MOSPD2: variants seen among roughly 807,000 people sequenced by gnomAD.
The protein encoded by MOSPD2 is motile sperm domain-containing protein 2.
A neutral mutation model predicts 41.7 loss-of-function variants in MOSPD2; 5 were observed. The ratio of observed to expected loss-of-function variants is 0.12; its 90% CI spans 0.06 to 0.25. The LOEUF (loss-of-function observed/expected upper bound fraction) is 0.25, where lower values mean the gene tolerates loss of function less well. Ranked by LOEUF, MOSPD2 falls within the 10% of genes least tolerant of loss-of-function variation. The probability of loss-of-function intolerance (pLI) is 1.00; values close to 1 mark genes in which losing one functional copy is unlikely to be tolerated. For synonymous variants in MOSPD2, 115 were observed against 126.9 expected (o/e 0.91, Z 0.63); for missense variants, 282 against 375.2 (o/e 0.75, Z 2.05).
In MOSPD2 at chrX:14,921,444, G is replaced by C. The variant is rs6631354; in HGVS notation, c.*1635G>C. 4.3e-5 allele frequency: 40 copies of C among 927,516 alleles called. No individual in the cohort carries two copies. In the East Asian group the frequency reaches 6.3e-4, roughly 15 times the overall value. The allele number at this position is 927,516 out of a possible 1,213,427, so 76.4% of individuals were successfully genotyped here. On this transcript the variant is annotated 3_prime_UTR_variant, in exon 15 of 15. Coordinates refer to ENST00000380492, the MANE Select transcript of MOSPD2 (RefSeq NM_152581.4). ...TAAGTACTGTGCACAGTATCTCCCT[G>C]TGTGTGTGCACAGTGGCTTCCCCTT...
In MOSPD2 at chrX:14,873,747, A is replaced by T; in HGVS notation, c.68A>T (p.Glu23Val). ...GAGACCCGGAGGAGGTTCGAAGCTG[A>T]GTATGTGACAGGTGGGTACTCTGTT... ...ISETRRRFEAEYVTDKSDKYD... is the reference protein window; with the variant it reads ...ISETRRRFEAVYVTDKSDKYD... Residue 23 changes from glutamate (E) to valine (V), a missense_variant, in exon 2 of 15, where the codon GAG becomes GTG. Physicochemically the swap from Glu to Val is moderately radical, Grantham distance 121. This residue lies in a region of MOSPD2 where 187 missense variants were observed against 256.6 expected (regional missense o/e 0.73). Transcript: ENST00000380492. 1 of 1,204,692 alleles carries T rather than the reference A, an allele frequency of 8.3e-7. No homozygotes were observed. Among genetic ancestry groups the T allele is most frequent in the Non-Finnish European group, 1.1e-6 (1 of 889,044 alleles).
intron 7 of MOSPD2, among the ~76,000 whole-genome samples, chrX:14,906,532 T>C (rs998275880): frequency 2.9e-4 from 29 of 100,020 alleles, no homozygotes; most frequent in African/African-American, 1.1e-3. Context: ...CAATGGTTTC[T>C]TAGATATGAC....
intron 11 of MOSPD2, among the ~76,000 whole-genome samples, chrX:14,915,024 G>C (rs984875426): frequency 8.9e-6 from 1 of 111,813 alleles, no homozygotes; most frequent in South Asian, 3.7e-4. Context: ...TGAGCATTAA[G>C]TGTAACAAGA....
chrX:14,907,582 A>G (rs1432013049), intron 7 of MOSPD2, among the ~76,000 whole-genome samples: 1 of 112,666 alleles, frequency 8.9e-6, no homozygotes, highest in Non-Finnish European at 1.9e-5. Flanking sequence ...AAAATGTGCC[A>G]AGTGAACAAA....
chrX:14,885,276 A>C (rs192678905), intron 2 of MOSPD2: 29 of 111,936 alleles, frequency 2.6e-4, no homozygotes, highest in Non-Finnish European at 1.3e-4. Context: ...TACATTATTA[A>C]GCAACTACAT....
intron 2 of MOSPD2, among the ~76,000 whole-genome samples, chrX:14,891,440 T>A (rs1393042963): frequency 2.7e-5 from 3 of 111,679 alleles, no homozygotes; most frequent in African/African-American, 6.5e-5. Context: ...GGCCAGAGTC[T>A]GAAAATAGTA....
At chrX:14,892,944 C>A in intron 3 of MOSPD2, 66 bp downstream of exon 3, 1 of 817,537 alleles carries the variant, frequency 1.2e-6, no homozygotes, top group South Asian at 2.8e-5. Context: ...TTACATTTAT[C>A]TAATCATGTA....
rs1268424935 is a variant in MOSPD2, at chrX:14,922,079, A to G, written c.*2270A>G. On this transcript the variant is annotated 3_prime_UTR_variant, in exon 15 of 15. Transcript: ENST00000380492. ...TTCATACTACCATAACTGTTTTTAT[A>G]TATTGCCACTAATTTTGACTGGATT... 1 of 111,394 alleles carries G rather than the reference A, an allele frequency of 9.0e-6. No individual in the cohort carries two copies. The highest frequency in any genetic ancestry group is 2.8e-4 in the East Asian group (1 of 3,549). The allele number at this position is 111,394 out of a possible 1,213,427, so 9.2% of individuals were successfully genotyped here.
chrX:14,890,555 A>G (rs2092551788), intron 2 of MOSPD2, among the ~76,000 whole-genome samples: 1 of 112,063 alleles, frequency 8.9e-6, no homozygotes, highest in Admixed American at 9.5e-5. Flanking sequence ...CACTCTTACA[A>G]ATGCATGATT....
In MOSPD2 at chrX:14,895,202, A is replaced by G. The variant is rs1376082941; in HGVS notation, c.236-106A>G. 8 of 500,874 alleles carry G rather than the reference A, an allele frequency of 1.6e-5. No homozygotes were observed. The Admixed American group carries it at 2.6e-4, about 16-fold the overall frequency. The allele number at this position is 500,874 out of a possible 1,213,427, so 41.3% of individuals were successfully genotyped here. A position where few individuals can be genotyped will look rare whatever the true frequency, so the allele number is the denominator to read the frequency against. On this transcript the variant is annotated intron_variant, in intron 3 of 14. Transcript: ENST00000380492. ...TTTTTTGAATGTTTGGGTACATTAT[A>G]TCATTTTTAAAGCTCAGAACTACTA...
In MOSPD2 at chrX:14,884,557, C is replaced by T. The variant is rs1267498251; in HGVS notation, c.80-8166C>T. The stretch of plus-strand genomic sequence containing the variant: ...AGGAGAAAAAAAGCAGCTTGGTTAC[C>T]AGAAAACACAGAGGAAGACAGCAGA... On this transcript the variant is annotated intron_variant, in intron 2 of 14. Coordinates refer to ENST00000380492, the MANE Select transcript of MOSPD2 (RefSeq NM_152581.4). Among the ~76,000 whole-genome samples the T allele has an allele frequency of 2.7e-5, 3 of 111,286 alleles. No homozygotes were observed. The East Asian group carries it at 8.4e-4, about 31-fold the overall frequency.
intron 13 of MOSPD2, among the ~76,000 whole-genome samples, chrX:14,918,357 T>C (rs1246112382): frequency 8.9e-6 from 1 of 111,953 alleles, no homozygotes; most frequent in Non-Finnish European, 1.9e-5. Context: ...TCAAGGAAAG[T>C]ACCTTTCTCC....
chrX:14,919,999 T>A lies in MOSPD2; in HGVS notation c.*190T>A. 6 of 970,588 alleles carry A rather than the reference T, an allele frequency of 6.2e-6. No homozygotes were observed. The highest frequency in any genetic ancestry group is 7.8e-6 in the Non-Finnish European group (6 of 773,732). 80.0% of individuals were successfully genotyped at this position (970,588 alleles called of 1,213,427 possible). A position where few individuals can be genotyped will look rare whatever the true frequency, so the allele number is the denominator to read the frequency against. ...CTAGAATAAAGAAATGCTGGAGAAA[T>A]TGATTATAAGAGACTATAGCTATTT... On this transcript the variant is annotated 3_prime_UTR_variant, in exon 15 of 15. Coordinates refer to ENST00000380492, the MANE Select transcript of MOSPD2 (RefSeq NM_152581.4).
intron 2 of MOSPD2, among the ~76,000 whole-genome samples, chrX:14,877,068 C>T (rs1426171196): frequency 9.0e-6 from 1 of 111,367 alleles, no homozygotes; most frequent in African/African-American, 3.3e-5. Context: ...AGGAAGTCTA[C>T]TTTGATAACC....
chrX:14,916,261 C>T lies in MOSPD2; in HGVS notation c.1251C>T (p.Gly417=). The change falls in exon 13 of 15, where the codon GGC becomes GGT. Residue 417 remains glycine, a synonymous_variant. Transcript: ENST00000380492. The stretch of plus-strand genomic sequence containing the variant: ...CTGCAGAAATGGAACAGTCATCTGG[C>T]ACAGGCCCAGCAGAATTAACTCAGT... The part of the protein sequence containing the change: ...IMAAEMEQSS[G]TGPAELTQFW... 8.3e-7 allele frequency: 1 copy of T among 1,210,476 alleles called. No homozygotes were observed. The highest frequency in any genetic ancestry group is 3.0e-5 in the East Asian group (1 of 33,798).
Position 14,921,532 on chromosome X carries a change from C to T in MOSPD2, c.*1723C>T. On this transcript the variant is annotated 3_prime_UTR_variant, in exon 15 of 15. Coordinates refer to ENST00000380492, the MANE Select transcript of MOSPD2 (RefSeq NM_152581.4). Reference sequence around the variant, plus strand: ...AAAGTAGTTGTGTATGTTTTCTGTTCCTTGGCAAATAAATGAAGAAATAAT... The same window carrying T: ...AAAGTAGTTGTGTATGTTTTCTGTTTCTTGGCAAATAAATGAAGAAATAAT... 2.0e-6 allele frequency: 1 copy of T among 502,015 alleles called. No homozygotes were observed. Among genetic ancestry groups the T allele is most frequent in the East Asian group, 4.7e-5 (1 of 21,359 alleles). 41.4% of individuals were successfully genotyped at this position (502,015 alleles called of 1,213,427 possible).
At chrX:14,877,895 G>A (rs973731802) in intron 2 of MOSPD2, among the ~76,000 whole-genome samples, 4 of 106,832 alleles carry the variant, frequency 3.7e-5, no homozygotes, top group Non-Finnish European at 5.8e-5. Context: ...GCAGAATGGC[G>A]TGAACCCAGG....
At chrX:14,903,076 A>G in intron 7 of MOSPD2, 72 bp downstream of exon 7, 2 of 702,658 alleles carry the variant, frequency 2.8e-6, no homozygotes, top group Non-Finnish European at 4.4e-6. Flanking sequence ...CCATATTTCT[A>G]CAATTGTTTA....
intron 2 of MOSPD2, among the ~76,000 whole-genome samples, chrX:14,877,992 T>A (rs1210379823): frequency 9.2e-6 from 1 of 108,653 alleles, no homozygotes; most frequent in Admixed American, 9.8e-5. Flanking sequence ...AAAAAAAAAA[T>A]TCCGTATATA....
Sources: gnomAD v4.1 joint callset for allele counts (sites outside exome capture counted in the v4.1 genomes callset) on GRCh38, gnomAD v4.1.1 for gene constraint, gnomAD v4.1.1 regional missense constraint, MANE v1.5 for transcripts, NCBI Gene and HGNC (gene_info 2026-07-23, HGNC 2026-07-21) for gene names.